ATP2C1: variants seen among roughly 807,000 people sequenced by gnomAD.
The protein encoded by ATP2C1 is calcium-transporting ATPase type 2C member 1.
Under a neutral mutation model 120.5 loss-of-function variants are expected in ATP2C1, and 31 were observed. That is an observed-to-expected ratio of 0.26 (90% CI 0.19 to 0.35). The LOEUF is 0.35. Among genes scored for constraint, ATP2C1 ranks in the 10% least tolerant of loss-of-function variants. The pLI is 1.00. For synonymous variants in ATP2C1, 351 were observed against 358.7 expected (o/e 0.98, Z 0.24); for missense variants, 731 against 1,107.5 (o/e 0.66, Z 4.83).
chr3:130,919,983 T>C (rs1483337325), intron 2 of ATP2C1, among the ~76,000 whole-genome samples: 2 of 152,240 alleles, frequency 1.3e-5, no homozygotes, highest in African/African-American at 2.4e-5. Context: ...TGCCCATTTG[T>C]ATATGTTTGG....
chr3:130,885,393 G>C lies in ATP2C1; in HGVS notation c.108+34465G>C, dbSNP rs544735248. On this transcript the variant is annotated intron_variant, in intron 1 of 26. Coordinates refer to the ATP2C1 transcript ENST00000504381. Reference sequence around the variant, plus strand: ...TTACTATTTTGTTATGTGTTTTCTAGTTGTTTTGTGGTCTTCTCTTCCTTC... The same window carrying C: ...TTACTATTTTGTTATGTGTTTTCTACTTGTTTTGTGGTCTTCTCTTCCTTC... Among the ~76,000 whole-genome samples the C allele has an allele frequency of 9.2e-5, 14 of 152,124 alleles. No homozygotes were observed. The South Asian group carries it at 2.9e-3, about 32-fold the overall frequency.
At chr3:131,014,793 CCTA>C (rs1290769962) in intron 26 of ATP2C1, among the ~76,000 whole-genome samples, 1 of 152,118 alleles carries the variant, frequency 6.6e-6, no homozygotes, top group African/African-American at 2.4e-5. Context: ...AGACTAAAAA[CCTA>C]CTTCACAAAT....
At chr3:130,948,385 G>A (rs747206616) in intron 8 of ATP2C1, among the ~76,000 whole-genome samples, 18 of 150,916 alleles carry the variant, frequency 1.2e-4, no homozygotes, top group Non-Finnish European at 1.8e-4. Context: ...TGCTCTTTTT[G>A]GCCTCTGTGG....
intron 1 of ATP2C1, among the ~76,000 whole-genome samples, chr3:130,860,937 T>G (rs909138346): frequency 6.6e-6 from 1 of 152,152 alleles, no homozygotes; most frequent in Non-Finnish European, 1.5e-5. Context: ...TTTATTCAAT[T>G]TGGGAGACTT....
chr3:130,992,747 C>T (rs964543903), intron 20 of ATP2C1, among the ~76,000 whole-genome samples: 11 of 152,076 alleles, frequency 7.2e-5, no homozygotes, highest in African/African-American at 2.4e-4. Context: ...TTGTGTATTT[C>T]CTGTGGTACC....
rs1018342495 is a variant in ATP2C1 at position 130,904,721 on chromosome 3, T to C, written c.6+9946T>C. Among the ~76,000 whole-genome samples the C allele has an allele frequency of 3.8e-4, 58 of 152,032 alleles. 1 individual carries two copies. Among genetic ancestry groups the C allele is most frequent in the African/African-American group, 1.4e-3 (56 of 41,414 alleles). On this transcript the variant is annotated intron_variant, in intron 2 of 27. Transcript: ENST00000510168. The stretch of plus-strand genomic sequence containing the variant: ...CCATCATACTTTACATGGGCAAGTT[T>C]TGCTATCTATCAATGGTTCTTAACT...
chr3:130,968,330 G>A (rs2061145673), intron 16 of ATP2C1, among the ~76,000 whole-genome samples: 1 of 152,022 alleles, frequency 6.6e-6, no homozygotes, highest in Admixed American at 6.6e-5. Context: ...ATCTTTTTAT[G>A]GGCAGAGACC....
At chr3:130,977,815 A>G (rs2061589148) in intron 18 of ATP2C1, among the ~76,000 whole-genome samples, 1 of 152,170 alleles carries the variant, frequency 6.6e-6, no homozygotes, top group Admixed American at 6.6e-5. Flanking sequence ...AGATTACCGT[A>G]ATGAAGAACA....
At chr3:130,905,244 T>C (rs1318471619) in intron 2 of ATP2C1, among the ~76,000 whole-genome samples, 1 of 152,088 alleles carries the variant, frequency 6.6e-6, no homozygotes, top group Non-Finnish European at 1.5e-5. Context: ...TTTGGTAACA[T>C]GTATGAACAC....
intron 13 of ATP2C1, 127 bp from the exon 14 acceptor site, chr3:130,964,821 A>T: frequency 1.5e-6 from 1 of 648,468 alleles, no homozygotes; most frequent in Non-Finnish European, 2.7e-6. Flanking sequence ...ATCTAAAATT[A>T]ACAATGAGTT....
rs376703397 is a variant in ATP2C1 at position 130,963,966 on chromosome 3, T to A, written c.900-5T>A. 3 of 1,612,426 alleles carry A rather than the reference T, an allele frequency of 1.9e-6. No homozygotes were observed. The African/African-American group carries it at 4.0e-5, about 22-fold the overall frequency. ...ATTTTAATACTTTGTATATGTTGGT[T>A]ATAGTTTGGCTGTAGCAGCAATTCC... On this transcript the variant is annotated splice_polypyrimidine_tract_variant and splice_region_variant and intron_variant, in intron 12 of 27. Transcript: ENST00000510168.
At chr3:130,962,612 C>A (rs765599125) in intron 12 of ATP2C1, among the ~76,000 whole-genome samples, 1 of 149,342 alleles carries the variant, frequency 6.7e-6, no homozygotes. Flanking sequence ...TTTAATTATT[C>A]CTCTGCAAAG....
chr3:130,920,529 C>G (rs2058905713), intron 2 of ATP2C1, among the ~76,000 whole-genome samples: 1 of 152,064 alleles, frequency 6.6e-6, no homozygotes, highest in Non-Finnish European at 1.5e-5. Flanking sequence ...TCTTGTGGCT[C>G]TATATGTCCG....
At chr3:130,887,820 C>G (rs994025535) in intron 1 of ATP2C1, among the ~76,000 whole-genome samples, 1 of 152,180 alleles carries the variant, frequency 6.6e-6, no homozygotes, top group Non-Finnish European at 1.5e-5. Context: ...GTTGGTCTAA[C>G]CCACTCTGAC....
At chr3:131,009,397 A>G (rs1286429702) in intron 26 of ATP2C1, among the ~76,000 whole-genome samples, 2 of 152,252 alleles carry the variant, frequency 1.3e-5, no homozygotes, top group Admixed American at 1.3e-4. Context: ...AGCTATTTTA[A>G]CCAAATAGAA....
intron 27 of ATP2C1, 62 bp from the exon 28 acceptor site, chr3:131,001,158 T>C: frequency 3.4e-6 from 4 of 1,190,756 alleles, no homozygotes; most frequent in African/African-American, 3.1e-5. Flanking sequence ...AAATGTAAGC[T>C]ATTAAGCTTT....
intron 2 of ATP2C1, among the ~76,000 whole-genome samples, chr3:130,912,456 A>G (rs1238996376): frequency 6.6e-6 from 1 of 150,722 alleles, no homozygotes; most frequent in Admixed American, 6.6e-5. Context: ...ATGAACAGAC[A>G]CTTCTCAAAA....
chr3:130,867,297 TCCCTC>T (rs1559870197), intron 1 of ATP2C1, among the ~76,000 whole-genome samples: 7 of 19,074 alleles, frequency 3.7e-4, no homozygotes, highest in Admixed American at 2.1e-3. Context: ...GAAATGATTG[TCCCTC>T]TCCCTCTCCC....
chr3:130,938,867 A>G (rs899715059), intron 6 of ATP2C1, among the ~76,000 whole-genome samples: 2 of 152,200 alleles, frequency 1.3e-5, no homozygotes, highest in African/African-American at 4.8e-5. Flanking sequence ...GTTCTCTTTG[A>G]TCACTAGAAA....
Sources: gnomAD v4.1 joint callset for allele counts (sites outside exome capture counted in the v4.1 genomes callset) on GRCh38, gnomAD v4.1.1 for gene constraint, MANE v1.5 for transcripts, NCBI Gene and HGNC (gene_info 2026-07-23, HGNC 2026-07-21) for gene names.